PAX3: variants seen among roughly 807,000 people sequenced by gnomAD.
The protein encoded by PAX3 is paired box protein Pax-3.
In PAX3, 14 loss-of-function variants were observed where a neutral mutation model predicts 51.6. The ratio of observed to expected loss-of-function variants is 0.27; its 90% CI spans 0.18 to 0.42. The LOEUF is 0.42. Among genes scored for constraint, PAX3 ranks in the 10% least tolerant of loss-of-function variants. PAX3 has a pLI of 1.00. For missense variants in PAX3, 540 were observed against 642.8 expected (o/e 0.84, Z 1.73); for synonymous variants, 280 against 253.4 (o/e 1.11, Z -1.00).
intron 7 of PAX3, among the ~76,000 whole-genome samples, chr2:222,209,262 A>G (rs1389978175): frequency 3.3e-5 from 5 of 152,188 alleles, no homozygotes; most frequent in African/African-American, 1.2e-4. Flanking sequence ...GTGGCTGCCT[A>G]AAGTCAATAG....
At chr2:222,259,753 A>G (rs959869095) in intron 4 of PAX3, among the ~76,000 whole-genome samples, 1 of 152,244 alleles carries the variant, frequency 6.6e-6, no homozygotes, top group African/African-American at 2.4e-5. Context: ...ACAGACATAG[A>G]TAAGAATTTG....
intron 5 of PAX3, among the ~76,000 whole-genome samples, chr2:222,228,557 C>T (rs973310553): frequency 3.9e-5 from 6 of 152,146 alleles, no homozygotes; most frequent in African/African-American, 1.2e-4. Context: ...CCTCAGTTTT[C>T]CATCACACTC....
intron 3 of PAX3, 151 bp downstream of exon 3, chr2:222,295,377 G>T (rs1695239801): frequency 1.1e-6 from 1 of 917,262 alleles, no homozygotes. Context: ...AAAGTGCCAA[G>T]AACACCGGGT....
At chr2:222,245,169 A>G (rs1003442945) in intron 4 of PAX3, among the ~76,000 whole-genome samples, 2 of 152,196 alleles carry the variant, frequency 1.3e-5, no homozygotes, top group African/African-American at 4.8e-5. Flanking sequence ...GAAAAGAAAT[A>G]GAATAAAATT....
chr2:222,260,565 G>GTT (rs869129158), intron 4 of PAX3, among the ~76,000 whole-genome samples: 585 of 55,806 alleles, frequency 0.01, 17 homozygotes, highest in South Asian at 0.044. Flanking sequence ...TTTTTTTTTT[G>GTT]TTTTTTTTTT....
rs45518739 is a variant in PAX3 at position 222,296,910 on chromosome 2, C to A, written c.321+68G>T. On this transcript the variant is annotated intron_variant, in intron 2 of 8. Transcript: ENST00000392070. ...AGCCCCAGATGTCAGCCGTTACCCC[C>A]CGCCCGGTCTTCCCCAACACAGGGG... 1,148 of 1,340,100 alleles carry A rather than the reference C, an allele frequency of 8.6e-4. 22 individuals carry two copies. In the East Asian group the frequency reaches 0.028, roughly 32 times the overall value. The allele number at this position is 1,340,100 out of a possible 1,614,324, so 83.0% of individuals were successfully genotyped here. A position where few individuals can be genotyped will look rare whatever the true frequency, so the allele number is the denominator to read the frequency against.
chr2:222,280,413 A>AAAAG (rs536504926), intron 4 of PAX3, among the ~76,000 whole-genome samples: 3 of 143,644 alleles, frequency 2.1e-5, no homozygotes, highest in South Asian at 2.1e-4. Context: ...AAAGAAAGAA[A>AAAAG]AAAGAAAGAA....
chr2:222,229,950 A>G (rs1692524146), intron 5 of PAX3, among the ~76,000 whole-genome samples: 1 of 152,124 alleles, frequency 6.6e-6, no homozygotes, highest in African/African-American at 2.4e-5. Context: ...TTGGGAAGCC[A>G]AGGCAAGTGG....
intron 4 of PAX3, among the ~76,000 whole-genome samples, chr2:222,285,462 A>G (rs2106182117): frequency 1.3e-5 from 2 of 152,358 alleles, no homozygotes; most frequent in Middle Eastern, 6.8e-3. Flanking sequence ...GTAGGGGGCG[A>G]AGAGGGATAT....
intron 5 of PAX3, among the ~76,000 whole-genome samples, chr2:222,223,131 C>A (rs1030908762): frequency 6.6e-6 from 1 of 152,118 alleles, no homozygotes. Context: ...GGAGAAGAAG[C>A]TCAATTTAAT....
chr2:222,250,818 T>G (rs1461856981), intron 4 of PAX3, among the ~76,000 whole-genome samples: 3 of 152,216 alleles, frequency 2.0e-5, no homozygotes, highest in African/African-American at 7.2e-5. Flanking sequence ...ACTAAATTTC[T>G]CTACATTTCT....
intron 4 of PAX3, among the ~76,000 whole-genome samples, chr2:222,247,575 T>C (rs1397037153): frequency 6.6e-6 from 1 of 152,186 alleles, no homozygotes; most frequent in African/African-American, 2.4e-5. Context: ...ACTGGCTTGG[T>C]GGCAAGTTAA....
At chr2:222,279,020 G>T (rs1694533257) in intron 4 of PAX3, among the ~76,000 whole-genome samples, 1 of 152,092 alleles carries the variant, frequency 6.6e-6, no homozygotes, top group Non-Finnish European at 1.5e-5. Flanking sequence ...GTGCGATCTT[G>T]GCTCACTGCA....
chr2:222,259,589 A>C (rs539885947), intron 4 of PAX3, among the ~76,000 whole-genome samples: 2 of 152,234 alleles, frequency 1.3e-5, no homozygotes, highest in Non-Finnish European at 2.9e-5. Flanking sequence ...TCAAGTGTCC[A>C]TATTTTTTAA....
intron 7 of PAX3, among the ~76,000 whole-genome samples, chr2:222,208,130 G>A: frequency 6.6e-6 from 1 of 151,894 alleles, no homozygotes; most frequent in East Asian, 1.9e-4. Flanking sequence ...AAGCATGCCA[G>A]TTAATACCAC....
chr2:222,297,705 G>C (rs2106205526), intron 1 of PAX3, among the ~76,000 whole-genome samples: 2 of 152,324 alleles, frequency 1.3e-5, no homozygotes, highest in East Asian at 3.9e-4. Flanking sequence ...GGTCAAAGAG[G>C]GTCCAGAAAG....
intron 4 of PAX3, among the ~76,000 whole-genome samples, chr2:222,235,257 G>C: frequency 6.6e-6 from 1 of 152,132 alleles, no homozygotes; most frequent in East Asian, 1.9e-4. Flanking sequence ...AATATAAACT[G>C]GGTGAGCTCA....
chr2:222,213,067 C>T (rs1054494354), intron 7 of PAX3, among the ~76,000 whole-genome samples: 13 of 152,120 alleles, frequency 8.5e-5, no homozygotes, highest in African/African-American at 3.1e-4. Flanking sequence ...TAAATCAACT[C>T]GGCAGACACA....
intron 2 of PAX3, 86 bp from the exon 3 acceptor site, chr2:222,295,743 T>C (rs1451012139): frequency 6.9e-7 from 1 of 1,455,140 alleles, no homozygotes; most frequent in Admixed American, 1.7e-5. Context: ...CCTGTCGGGA[T>C]GCTCCTCGCT....
Sources: gnomAD v4.1 joint callset for allele counts (sites outside exome capture counted in the v4.1 genomes callset) on GRCh38, gnomAD v4.1.1 for gene constraint, MANE v1.5 for transcripts, NCBI Gene and HGNC (gene_info 2026-07-23, HGNC 2026-07-21) for gene names.